Variants in GDF5 observed in about 807,000 individuals in gnomAD.
The protein encoded by GDF5 is growth/differentiation factor 5.
Under a neutral mutation model 34.6 loss-of-function variants are expected in GDF5, and 17 were observed. The observed-to-expected ratio is 0.49, with a 90% CI of 0.34 to 0.74. GDF5 has a LOEUF of 0.74. Among genes scored for constraint, GDF5 ranks in the 30% least tolerant of loss-of-function variants. The pLI, the probability that GDF5 is intolerant of heterozygous loss-of-function variation, is 0.01. For synonymous variants in GDF5, 332 were observed against 290.7 expected (o/e 1.14, Z -1.44); for missense variants, 616 against 661.2 (o/e 0.93, Z 0.75).
At position 35,434,641 on chromosome 20, in the gene GDF5, C is replaced by A. The variant is rs758024481; in HGVS notation, c.774G>T (p.Gly258=). The change falls in exon 2 of 2, where the codon GGG becomes GGT. Residue 258 remains glycine, a synonymous_variant. Transcript: ENST00000374369. ...TGGACAGCTTCAGCTGGGCAGCCCG[C>A]CCGCCTCCGGGGGCCGCTGGCTTGG... ...DTAKPAAPGG[G]RAAQLKLSSC... is the part of the protein sequence containing the mutation. 4 of 1,608,488 alleles carry A rather than the reference C, an allele frequency of 2.5e-6. No individual in the cohort carries two copies. In the East Asian group the frequency reaches 8.9e-5, roughly 36 times the overall value.
At position 35,449,475 on chromosome 20, in the gene GDF5, A is replaced by T. The variant is rs552967825; in HGVS notation, c.-398+5165T>A. ...CGTTTTTATCCTTCACAAACAAGTC[A>T]TAGTGGCCTGATGCTGTGTAGCCAG... On this transcript the variant is annotated intron_variant, in intron 1 of 3. Transcript: ENST00000374372. Among the ~76,000 whole-genome samples the T allele has an allele frequency of 8.5e-5, 13 of 152,282 alleles. No individual in the cohort carries two copies. The East Asian group carries it at 2.3e-3, about 27-fold the overall frequency.
rs140467045 is a variant in GDF5, at chr20:35,447,135, C to T, written c.-397-5748G>A. ...TTGTTACATATGTATACGTGTGCCA[C>T]GTTGGTATGCTGCACCCATTAACTC... On this transcript the variant is annotated intron_variant, in intron 1 of 3. Coordinates refer to the GDF5 transcript ENST00000374372. 8.2e-3 allele frequency among the ~76,000 whole-genome samples: 1,245 copies of T among 152,040 alleles called. 20 individuals are homozygous for T. The highest frequency in any genetic ancestry group is 0.028 in the African/African-American group (1,170 of 41,438).
At position 35,437,308 on chromosome 20, in the gene GDF5, G is replaced by T; in HGVS notation, c.621C>A (p.Asp207Glu). Residue 207 changes from aspartate to glutamate, a missense_variant, in exon 1 of 2, where the codon GAC (aspartate) becomes GAA (glutamate). Transcript: ENST00000374369. ...GLANTITSFIDKGQDDRGPVV... is the reference protein window; with the variant it reads ...GLANTITSFIEKGQDDRGPVV... The stretch of plus-strand genomic sequence containing the variant: ...ACCCCGCCCCCTCACCTTGCCCTTT[G>T]TCAATAAAGCTGGTGATGGTGTTGG... The T allele has an allele frequency of 6.2e-7, 1 of 1,608,604 alleles. No individual in the cohort carries two copies.
In GDF5 at chr20:35,434,729, A is replaced by G; in HGVS notation, c.686T>C (p.Leu229Pro). 6.2e-7 allele frequency: 1 copy of G among 1,611,458 alleles called. No individual in the cohort carries two copies. Among genetic ancestry groups the G allele is most frequent in the Non-Finnish European group, 8.5e-7 (1 of 1,179,804 alleles). The change falls in exon 2 of 2, where the codon CTG becomes CCG. Residue 229 changes from leucine (L) to proline (P), a missense_variant. Physicochemically the swap from Leu to Pro is moderately conservative, Grantham distance 98. Coordinates refer to ENST00000374369, the MANE Select transcript of GDF5 (RefSeq NM_000557.5). ...GGCCCCCAGCAGCCCATCCTTCTCC[A>G]GGGCACTAATGTCAAACACGTACCT... is the stretch of plus-strand genomic sequence containing the variant. ...KQRYVFDISA[L>P]EKDGLLGAEL...
At chr20:35,440,436 GTCCT>G (rs1052194084), upstream of GDF5, among the ~76,000 whole-genome samples, 3 of 151,986 alleles carry the variant, frequency 2.0e-5, no homozygotes, top group Admixed American at 1.3e-4. Flanking sequence ...TCACTGCCCT[GTCCT>G]CCTCATTGCT....
chr20:35,448,448 C>CTTTTTTTTTT (rs34209210), intron 1 of GDF5, among the ~76,000 whole-genome samples: 2 of 86,748 alleles, frequency 2.3e-5, no homozygotes, highest in Non-Finnish European at 3.8e-5. Flanking sequence ...GCCCCCCCGA[C>CTTTTTTTTTT]TTTTTTTTTT....
chr20:35,453,084 C>T (rs186648182), intron 1 of GDF5, among the ~76,000 whole-genome samples: 192 of 152,088 alleles, frequency 1.3e-3, no homozygotes, highest in Admixed American at 2.2e-3. Context: ...CCCGTCTCTA[C>T]TAAAAATACA....
chr20:35,436,590 G>A lies in GDF5; in HGVS notation c.631+708C>T, dbSNP rs562073208. ...CGAGAGAGACAGAGGGGAGCAGGTA[G>A]TCTCTGGAGTTAATGAGGAGAATGA... On this transcript the variant is annotated intron_variant, in intron 1 of 1. Coordinates refer to ENST00000374369, the MANE Select transcript of GDF5 (RefSeq NM_000557.5). Among the ~76,000 whole-genome samples, 10 of 152,334 alleles carry A rather than the reference G, an allele frequency of 6.6e-5. No homozygotes were observed. The South Asian group carries it at 1.7e-3, about 25-fold the overall frequency.
chr20:35,433,929 C>T lies in GDF5; in HGVS notation c.1486G>A (p.Glu496Lys). ...VYKQYEDMVV[E>K]SCGCR ...TGCTGCTACCTGCAGCCACACGACT[C>T]CACGACCATGTCCTCATACTGCTTA... is the stretch of plus-strand genomic sequence containing the variant. The change falls in exon 2 of 2, where the codon GAG (glutamate) becomes AAG (lysine). Residue 496 changes from glutamate to lysine, a missense_variant. Coordinates refer to ENST00000374369, the MANE Select transcript of GDF5 (RefSeq NM_000557.5). 1 of 1,614,090 alleles carries T rather than the reference C, an allele frequency of 6.2e-7. No individual in the cohort carries two copies. Among genetic ancestry groups the T allele is most frequent in the Non-Finnish European group, 8.5e-7 (1 of 1,179,974 alleles).
At chr20:35,434,886 T>A (rs769879153) in intron 1 of GDF5, 103 bp from the exon 2 acceptor site, 4 of 1,201,062 alleles carry the variant, frequency 3.3e-6, no homozygotes, top group Non-Finnish European at 3.7e-6. Flanking sequence ...TCCAGAGAGC[T>A]TTCTTTCACC....
intron 1 of GDF5, among the ~76,000 whole-genome samples, chr20:35,443,287 G>A (rs1174087064): frequency 6.6e-6 from 1 of 152,124 alleles, no homozygotes; most frequent in Admixed American, 6.6e-5. Flanking sequence ...CTGGGACACA[G>A]CGTCCCTGGG....
At chr20:35,453,054 C>A (rs1188246890) in intron 1 of GDF5, among the ~76,000 whole-genome samples, 1 of 151,854 alleles carries the variant, frequency 6.6e-6, no homozygotes. Context: ...TCAAGACCAT[C>A]CTGGCTAACA....
chr20:35,437,692 G>C lies in GDF5; in HGVS notation c.237C>G (p.Gly79=). The change falls in exon 1 of 2, where the codon GGC becomes GGG. Residue 79 remains glycine (G), a synonymous_variant. Coordinates refer to ENST00000374369, the MANE Select transcript of GDF5 (RefSeq NM_000557.5). ...GTGTCAGGCCTCCTGTCTGCCCGGT[G>C]CCTCCCTTTGCCCTGGCATTGGCAT... ...ATNANARAKG[G]TGQTGGLTQP... The C allele has an allele frequency of 6.2e-7, 1 of 1,614,058 alleles. No homozygotes were observed. Among genetic ancestry groups the C allele is most frequent in the Non-Finnish European group, 8.5e-7 (1 of 1,179,970 alleles).
intron 1 of GDF5, among the ~76,000 whole-genome samples, chr20:35,435,669 AG>A (rs891055623): frequency 1.5e-4 from 23 of 152,084 alleles, no homozygotes; most frequent in African/African-American, 5.1e-4. Context: ...TTAATGACAA[AG>A]CTGGTCCACA....
At chr20:35,451,092 T>TATATATATATATATAC (rs1555824851) in intron 1 of GDF5, among the ~76,000 whole-genome samples, 48 of 133,566 alleles carry the variant, frequency 3.6e-4, no homozygotes, top group East Asian at 8.1e-4. Context: ...TATATATATA[T>TATATATATATATATAC]ACACAAATAT....
Position 35,433,941 on chromosome 20 carries a change from C to G in GDF5, c.1474G>C (p.Asp492His), listed in dbSNP as rs1188108135. The G allele has an allele frequency of 6.2e-7, 1 of 1,613,970 alleles. No homozygotes were observed. The highest frequency in any genetic ancestry group is 1.3e-5 in the African/African-American group (1 of 74,910). ...ANNVVYKQYE[D>H]MVVESCGCR ...CAGCCACACGACTCCACGACCATGT[C>G]CTCATACTGCTTATACACCACGTTG... The change falls in exon 2 of 2, where the codon GAC (aspartate) becomes CAC (histidine). Residue 492 changes from aspartate to histidine, a missense_variant. Asp to His is a moderately conservative substitution (Grantham distance 81). Coordinates refer to ENST00000374369, the MANE Select transcript of GDF5 (RefSeq NM_000557.5).
intron 1 of GDF5, among the ~76,000 whole-genome samples, chr20:35,450,041 G>T (rs965410964): frequency 6.6e-6 from 1 of 151,400 alleles, no homozygotes; most frequent in African/African-American, 2.4e-5. Context: ...CGCGGCTCAC[G>T]CCTGTAATCC....
rs1415875192 is a variant in GDF5 at position 35,434,638 on chromosome 20, C to T, written c.777G>A (p.Arg259=). 2.5e-6 allele frequency: 4 copies of T among 1,607,888 alleles called. No homozygotes were observed. Among genetic ancestry groups the T allele is most frequent in the East Asian group, 4.5e-5 (2 of 44,684 alleles). ...AGCTGGACAGCTTCAGCTGGGCAGC[C>T]CGCCCGCCTCCGGGGGCCGCTGGCT... is the stretch of plus-strand genomic sequence containing the variant. The part of the protein sequence containing the change: ...TAKPAAPGGG[R]AAQLKLSSCP... The change falls in exon 2 of 2, where the codon CGG becomes CGA. Residue 259 remains arginine (R), a synonymous_variant. Transcript: ENST00000374369.
chr20:35,436,734 T>C (rs1443578247), intron 1 of GDF5, among the ~76,000 whole-genome samples: 2 of 152,100 alleles, frequency 1.3e-5, no homozygotes, highest in South Asian at 2.1e-4. Flanking sequence ...GAAGGAGCTT[T>C]CCCAAGGTCA....
Sources: allele counts gnomAD v4.1 joint callset (sites outside exome capture counted in the v4.1 genomes callset), GRCh38; gene constraint gnomAD v4.1.1; transcripts MANE v1.5; gene names NCBI Gene and HGNC (gene_info 2026-07-23, HGNC 2026-07-21).